Variants in FGF1 observed in about 807,000 individuals in gnomAD.
FGF1 encodes beta-endothelial cell growth factor.
In FGF1, 9 loss-of-function variants were observed where a neutral mutation model predicts 13.4. The ratio of observed to expected loss-of-function variants is 0.67; its 90% CI spans 0.40 to 1.17. FGF1 has a LOEUF of 1.17. FGF1 is among the 50% of genes most tolerant of loss of function. The pLI is 0.01. For synonymous variants in FGF1, 93 were observed against 79.0 expected (o/e 1.18, Z -0.94); for missense variants, 156 against 192.7 (o/e 0.81, Z 1.13).
At chr5:142,692,176 A>G (rs1025900197) in intron 2 of FGF1, among the ~76,000 whole-genome samples, 2 of 152,048 alleles carry the variant, frequency 1.3e-5, no homozygotes, top group Admixed American at 6.6e-5. Context: ...ACCAAAAAAA[A>G]CCCCACAAAA....
chr5:142,631,630 C>G (rs559540810), intron 1 of FGF1, among the ~76,000 whole-genome samples: 5 of 152,268 alleles, frequency 3.3e-5, no homozygotes, highest in Admixed American at 6.5e-5. Flanking sequence ...CCTGGGGGAA[C>G]TATTGGGATA....
intron 1 of FGF1, among the ~76,000 whole-genome samples, chr5:142,618,929 GTTTTTTTTTTTTTTTT>G (rs869093279): frequency 1.6e-5 from 1 of 61,250 alleles, no homozygotes; most frequent in South Asian, 6.1e-4. Context: ...TAGTTGTTTT[GTTTTTTTTTTTTTTTT>G]TTTTTTTGAG....
chr5:142,659,886 C>G (rs552588555), intron 1 of FGF1, among the ~76,000 whole-genome samples: 1 of 152,304 alleles, frequency 6.6e-6, no homozygotes, highest in East Asian at 1.9e-4. Flanking sequence ...GTCTGTTTCT[C>G]TAGTCGAAGG....
chr5:142,636,586 C>A (rs1346362740), intron 1 of FGF1, among the ~76,000 whole-genome samples: 1 of 152,158 alleles, frequency 6.6e-6, no homozygotes, highest in African/African-American at 2.4e-5. Context: ...GAAGACCTTT[C>A]CCCATGCAAG....
chr5:142,597,051 T>G (rs1755429967), intron 3 of FGF1, among the ~76,000 whole-genome samples: 2 of 152,196 alleles, frequency 1.3e-5, no homozygotes, highest in African/African-American at 4.8e-5. Flanking sequence ...TTATCATATG[T>G]TAGCTATCCT....
chr5:142,684,968 G>A (rs1329055220), intron 1 of FGF1, among the ~76,000 whole-genome samples: 1 of 152,236 alleles, frequency 6.6e-6, no homozygotes, highest in East Asian at 1.9e-4. Flanking sequence ...GTGGGTGGAT[G>A]TAACATAGCT....
intron 2 of FGF1, among the ~76,000 whole-genome samples, chr5:142,612,141 C>A (rs918655985): frequency 5.3e-5 from 8 of 152,314 alleles, no homozygotes; most frequent in African/African-American, 1.9e-4. Flanking sequence ...CACCTGCACT[C>A]CCAGGGCTAC....
At chr5:142,660,794 A>G (rs1769078283) in intron 1 of FGF1, among the ~76,000 whole-genome samples, 1 of 152,148 alleles carries the variant, frequency 6.6e-6, no homozygotes, top group South Asian at 2.1e-4. Context: ...AAGAAATCCC[A>G]CAGTCTATCT....
chr5:142,635,824 C>T (rs249923), intron 1 of FGF1, among the ~76,000 whole-genome samples: 47,357 of 152,178 alleles, frequency 0.31, 8,893 homozygotes, highest in Non-Finnish European at 0.43. Context: ...TTTTCTACAT[C>T]AAGATAGAAG....
intron 2 of FGF1, among the ~76,000 whole-genome samples, chr5:142,696,241 G>A (rs971828976): frequency 1.3e-5 from 2 of 152,190 alleles, no homozygotes; most frequent in East Asian, 3.8e-4. Flanking sequence ...GCATGTAAGA[G>A]GGAGGAGCTG....
intron 1 of FGF1, among the ~76,000 whole-genome samples, chr5:142,629,891 A>ATTT: frequency 1.0e-5 from 1 of 100,122 alleles, no homozygotes; most frequent in Non-Finnish European, 2.3e-5. Flanking sequence ...ATATATATAT[A>ATTT]TATATTTTTT....
chr5:142,692,855 C>T (rs1752463236), intron 2 of FGF1, among the ~76,000 whole-genome samples: 2 of 151,930 alleles, frequency 1.3e-5, no homozygotes, highest in African/African-American at 2.4e-5. Flanking sequence ...AACAAACAAA[C>T]AAACCCAATC....
At chr5:142,615,554 ATG>A (rs1760065674) in intron 1 of FGF1, among the ~76,000 whole-genome samples, 1 of 152,182 alleles carries the variant, frequency 6.6e-6, no homozygotes. Context: ...TGAGTAGTGA[ATG>A]TGATCATCAA....
chr5:142,606,218 C>CTGTGTGTGTGTGTGTG lies in FGF1; in HGVS notation c.170-5429_170-5414dup, dbSNP rs61445131. 2.0e-4 allele frequency among the ~76,000 whole-genome samples: 28 copies of CTGTGTGTGTGTGTGTG among 143,150 alleles called. No homozygotes were observed. The East Asian group carries it at 5.0e-3, about 26-fold the overall frequency. The allele number at this position is 143,150 out of a possible 152,430, so 93.9% of individuals were successfully genotyped here. On this transcript the variant is annotated intron_variant, in intron 2 of 3. Transcript: ENST00000337706. The stretch of plus-strand genomic sequence containing the variant: ...AAAATCTGCAACATTCTTTCTCTCT[C>CTGTGTGTGTGTGTGTG]TGTGTGTGTGTGTGTGTGTGTGTGT...
At chr5:142,612,013 CTGT>C (rs1759166334) in intron 2 of FGF1, among the ~76,000 whole-genome samples, 1 of 152,152 alleles carries the variant, frequency 6.6e-6, no homozygotes, top group African/African-American at 2.4e-5. Context: ...CCCAAGAAAC[CTGT>C]GAGGCAAGGA....
intron 1 of FGF1, among the ~76,000 whole-genome samples, chr5:142,666,714 G>T (rs532320394): frequency 6.6e-6 from 1 of 150,700 alleles, no homozygotes; most frequent in African/African-American, 2.4e-5. Flanking sequence ...AAGGCAGGAG[G>T]ATCACTGAAA....
At chr5:142,639,637 A>G (rs1211664719) in intron 1 of FGF1, among the ~76,000 whole-genome samples, 1 of 151,996 alleles carries the variant, frequency 6.6e-6, no homozygotes, top group Non-Finnish European at 1.5e-5. Flanking sequence ...AATAGGTTCT[A>G]GAGATCTATC....
In FGF1 at chr5:142,670,636, C is replaced by T. The variant is rs115800920; in HGVS notation, c.-35+15321G>A. 8.4e-3 allele frequency among the ~76,000 whole-genome samples: 1,283 copies of T among 152,234 alleles called. 15 individuals are homozygous for T. The highest frequency in any genetic ancestry group is 0.029 in the African/African-American group (1,213 of 41,524). ...TTACATGCAGAAGGCACTCAACCAA[C>T]GCCAGCAAAGCATATGAAGAAATTA... On this transcript the variant is annotated intron_variant, in intron 1 of 3. Coordinates refer to ENST00000337706, the MANE Select transcript of FGF1 (RefSeq NM_000800.5).
intron 3 of FGF1, among the ~76,000 whole-genome samples, chr5:142,596,148 G>T (rs1005159564): frequency 4.8e-4 from 73 of 152,136 alleles, no homozygotes; most frequent in African/African-American, 1.5e-3. Context: ...TTTATTTTTT[G>T]CTACTTATAA....
Sources: gnomAD v4.1 joint callset for allele counts (sites outside exome capture counted in the v4.1 genomes callset) on GRCh38, gnomAD v4.1.1 for gene constraint, MANE v1.5 for transcripts, NCBI Gene and HGNC (gene_info 2026-07-23, HGNC 2026-07-21) for gene names.